The following PAPLN variants were observed in gnomAD, a reference collection of about 807,000 sequenced individuals.
PAPLN encodes papilin.
In PAPLN, 146 loss-of-function variants were observed where a neutral mutation model predicts 159.0. The ratio of observed to expected loss-of-function variants is 0.92; its 90% CI spans 0.80 to 1.05. PAPLN has a LOEUF of 1.05. PAPLN is among the 50% of genes least tolerant of loss of function. The pLI is 0.00. For missense variants in PAPLN, 1,720 were observed against 1,743.9 expected, an observed-to-expected ratio of 0.99 and a Z score of 0.24; for synonymous variants, 734 against 702.9, an observed-to-expected ratio of 1.04 and a Z score of -0.70.
chr14:73,264,601 C>T lies in PAPLN; in HGVS notation c.3000C>T (p.Ala1000=), dbSNP rs369128876. The T allele has an allele frequency of 3.0e-4, 481 of 1,599,776 alleles. 1 individual carries two copies. Among genetic ancestry groups the T allele is most frequent in the Non-Finnish European group, 3.9e-4 (453 of 1,176,254 alleles). The change falls in exon 22 of 27, where the codon GCC becomes GCT. Residue 1000 remains alanine, a synonymous_variant. Transcript: ENST00000644200. The part of the protein sequence containing the change: ...IQLRIIGGDM[A]VLSEAELSRF... ...GCCTCATGACAGGGGGTGACATGGC[C>T]GTGCTGTCTGAGGCTGAGCTGAGCC... is the stretch of plus-strand genomic sequence containing the variant.
At position 73,265,003 on chromosome 14, in the gene PAPLN, G is replaced by A. The variant is rs765815359; in HGVS notation, c.3125+277G>A. Among the ~76,000 whole-genome samples the A allele has an allele frequency of 3.9e-5, 6 of 152,204 alleles. No individual in the cohort carries two copies. Among genetic ancestry groups the A allele is most frequent in the Non-Finnish European group, 5.9e-5 (4 of 68,038 alleles). ...GCCTGAGCCGGCTTCTTTGAGGAGC[G>A]TCTTGAGCTGGCCTTGAGGAATGGT... On this transcript the variant is annotated intron_variant, in intron 22 of 26. Transcript: ENST00000644200. The surrounding 1 kb of genome is among the most constrained non-coding windows in gnomAD (Gnocchi z 4.1).
Position 73,252,035 on chromosome 14 carries a change from C to A in PAPLN, c.861C>A (p.Pro287=). The A allele has an allele frequency of 6.2e-7, 1 of 1,610,312 alleles. No homozygotes were observed. ...PLVIELISQE[P]NPGVHYEYHL... ...CGTGACAGCTCATCAGCCAGGAGCC[C>A]AACCCCGGTGTGCACTATGAGTACC... Residue 287 remains proline, a synonymous_variant, in exon 10 of 27, where the codon CCC becomes CCA. Transcript: ENST00000644200.
chr14:73,270,882 A>T (rs1887657045), intron 26 of PAPLN, among the ~76,000 whole-genome samples: 1 of 152,016 alleles, frequency 6.6e-6, no homozygotes, highest in Non-Finnish European at 1.5e-5. Context: ...CGGCTGCCTG[A>T]CCCTGCCCTA....
chr14:73,248,199 TGTG>T (rs1196822745), intron 5 of PAPLN, among the ~76,000 whole-genome samples: 5 of 137,118 alleles, frequency 3.6e-5, no homozygotes, highest in Non-Finnish European at 6.2e-5. Flanking sequence ...CTGTGTGTGT[TGTG>T]GGGATTGTGG....
chr14:73,247,984 CTGTGTGTGTGTG>C (rs60942606), intron 5 of PAPLN, among the ~76,000 whole-genome samples: 2,621 of 19,318 alleles, frequency 0.14, 246 homozygotes, highest in East Asian at 0.43. Flanking sequence ...CTCATATCCT[CTGTGTGTGTGTG>C]TGTGTGTGTG....
Position 73,262,608 on chromosome 14 carries a change from A to G in PAPLN, c.2504A>G (p.Glu835Gly). The change falls in exon 19 of 27, where the codon GAG becomes GGG. Residue 835 changes from glutamate to glycine, a missense_variant. By Grantham distance (98) the Glu-to-Gly change is moderately conservative. Transcript: ENST00000644200. ...TDGGGSSPAG[E>G]QEPSQHRTGA... is the part of the protein sequence containing the mutation. ...GGTGGCGGCAGCAGTCCTGCAGGCG[A>G]GCAGGAACCCAGCCAGCACAGGACA... 1 of 1,552,842 alleles carries G rather than the reference A, an allele frequency of 6.4e-7. No homozygotes were observed.
intron 3 of PAPLN, 167 bp downstream of exon 3, chr14:73,244,926 A>C: frequency 1.7e-6 from 1 of 572,192 alleles, no homozygotes; most frequent in Non-Finnish European, 3.0e-6. Context: ...GCAGGAAATC[A>C]AACCATTTCC....
At chr14:73,250,317 G>A (rs910058449) in intron 6 of PAPLN, among the ~76,000 whole-genome samples, 2 of 152,162 alleles carry the variant, frequency 1.3e-5, no homozygotes, top group African/African-American at 2.4e-5. Context: ...CTTGGAGAAC[G>A]CTAGCCCTAC....
intron 25 of PAPLN, among the ~76,000 whole-genome samples, chr14:73,267,153 T>C (rs1321870367): frequency 1.3e-5 from 2 of 152,164 alleles, no homozygotes; most frequent in African/African-American, 4.8e-5. Flanking sequence ...ACCCACTAGA[T>C]GCCAGGGGCA....
At chr14:73,247,367 T>C (rs1187259454) in intron 5 of PAPLN, among the ~76,000 whole-genome samples, 1 of 152,248 alleles carries the variant, frequency 6.6e-6, no homozygotes, top group African/African-American at 2.4e-5. Context: ...ACAAGTCTTC[T>C]GAGTGTTCGT....
chr14:73,261,363 C>T (rs1431146861), intron 18 of PAPLN, 69 bp downstream of exon 18: 11 of 1,556,696 alleles, frequency 7.1e-6, no homozygotes, highest in Non-Finnish European at 9.5e-6. Flanking sequence ...CCAGCCCCCA[C>T]CCAGGACCAA....
At chr14:73,253,331 T>C (rs575318982) in intron 11 of PAPLN, 104 of 1,071,720 alleles carry the variant, frequency 9.7e-5, no homozygotes, top group Non-Finnish European at 1.2e-4. Flanking sequence ...TGGCTTTGCA[T>C]GGGGCCACAG....
intron 21 of PAPLN, 101 bp downstream of exon 21, chr14:73,264,436 C>T: frequency 6.5e-7 from 1 of 1,535,132 alleles, no homozygotes; most frequent in Non-Finnish European, 8.8e-7. Context: ...TAGAGGGGCC[C>T]AGGGTGTCTC....
intron 18 of PAPLN, chr14:73,261,967 C>G: frequency 4.7e-6 from 1 of 211,506 alleles, no homozygotes; most frequent in Non-Finnish European, 9.3e-6. Context: ...CCCTGGGTGG[C>G]TCAGGTCTGT....
intron 19 of PAPLN, 66 bp downstream of exon 19, chr14:73,262,893 T>C: frequency 7.5e-7 from 1 of 1,332,534 alleles, no homozygotes; most frequent in South Asian, 2.2e-5. Context: ...CAGTTGGAGC[T>C]AAACCCCTGA....
intron 26 of PAPLN, among the ~76,000 whole-genome samples, chr14:73,270,425 G>A (rs1438657360): frequency 3.3e-5 from 5 of 152,206 alleles, no homozygotes; most frequent in Non-Finnish European, 7.3e-5. Context: ...GTTAAAACTC[G>A]TTCTTCCCTC....
chr14:73,251,123 A>C, intron 7 of PAPLN, 93 bp downstream of exon 7: 1 of 1,512,528 alleles, frequency 6.6e-7, no homozygotes, highest in South Asian at 1.3e-5. Flanking sequence ...CTCCAGGCCA[A>C]GTGGCCCTCA....
chr14:73,247,735 CGTGT>C (rs141324043), intron 5 of PAPLN, among the ~76,000 whole-genome samples: 1 of 71,576 alleles, frequency 1.4e-5, no homozygotes, highest in South Asian at 5.1e-4. Context: ...GTCCTCTGTG[CGTGT>C]GTGTGTGTGT....
At chr14:73,258,868 C>T in intron 14 of PAPLN, 111 bp from the exon 15 acceptor site, 1 of 1,008,946 alleles carries the variant, frequency 9.9e-7, no homozygotes. Flanking sequence ...GGTTCCCAGG[C>T]CCTGCCTGGG....
Sources: allele counts gnomAD v4.1 joint callset (sites outside exome capture counted in the v4.1 genomes callset), GRCh38; gene constraint gnomAD v4.1.1; non-coding constraint Gnocchi (gnomAD v3.1); transcripts MANE v1.5; gene names NCBI Gene and HGNC (gene_info 2026-07-23, HGNC 2026-07-21).